The following PLET1 variants were observed in gnomAD, a reference collection of about 807,000 sequenced individuals.
PLET1 encodes placenta expressed transcript 1.
A neutral mutation model predicts 18.5 loss-of-function variants in PLET1; 20 were observed. The ratio of observed to expected loss-of-function variants is 1.08; its 90% CI spans 0.76 to 1.57. PLET1 has a LOEUF of 1.57. Ranked by LOEUF, PLET1 falls within the 40% of genes most tolerant of loss-of-function variation. The pLI, the probability that PLET1 is intolerant of heterozygous loss-of-function variation, is 0.00. For missense variants in PLET1, 256 were observed against 246.4 expected (o/e 1.04, Z -0.26); for synonymous variants, 93 against 93.8 (o/e 0.99, Z 0.05).
chr11:112,251,842 C>G (rs1300509732), intron 3 of PLET1, among the ~76,000 whole-genome samples: 2 of 152,126 alleles, frequency 1.3e-5, no homozygotes, highest in Non-Finnish European at 2.9e-5. Context: ...GTGGAAATTC[C>G]TAGTAGAGTG....
chr11:112,260,721 T>C lies in PLET1; in HGVS notation c.-132A>G, dbSNP rs954052865. ...TCTCCCTGCCCCTTCTGAATATACA[T>C]TGGATTCTGGAATTTGGCCCAAGAC... On this transcript the variant is annotated 5_prime_UTR_variant, in exon 1 of 4. The change abolishes an upstream ATG in the 5' untranslated region. Transcript: ENST00000338832. The C allele has an allele frequency of 4.5e-5, 35 of 774,910 alleles. No homozygotes were observed. Among genetic ancestry groups the C allele is most frequent in the Middle Eastern group, 3.9e-4 (1 of 2,564 alleles). 48.0% of individuals were successfully genotyped at this position (774,910 alleles called of 1,614,324 possible).
At position 112,248,300 on chromosome 11, in the gene PLET1, A is replaced by G. The variant is rs1860121527; in HGVS notation, c.*499T>C. On this transcript the variant is annotated 3_prime_UTR_variant, in exon 4 of 4. Coordinates refer to ENST00000338832, the MANE Select transcript of PLET1 (RefSeq NM_001145024.1). Reference sequence around the variant, plus strand: ...AATCTACTGGTGTGGACAAATGGGAAGCTGCCAGCAGCCTCAGAGCTATTT... The same window carrying G: ...AATCTACTGGTGTGGACAAATGGGAGGCTGCCAGCAGCCTCAGAGCTATTT... Among the ~76,000 whole-genome samples the G allele has an allele frequency of 6.6e-6, 1 of 152,216 alleles. No homozygotes were observed. The highest frequency in any genetic ancestry group is 2.4e-5 in the African/African-American group (1 of 41,448).
chr11:112,252,553 G>A, intron 2 of PLET1, 144 bp from the exon 3 acceptor site: 1 of 709,208 alleles, frequency 1.4e-6, no homozygotes, highest in Non-Finnish European at 2.4e-6. Flanking sequence ...ATTAAATACT[G>A]GTCTGCTTTT....
In PLET1 at chr11:112,255,504, T is replaced by A; in HGVS notation, c.270A>T (p.Arg90Ser). ...AGTTGCTGTAGCAATTTTTATCCGC[T>A]CTTTGCCAGAGGCCCGCTGAGTCAC... ...ENSDSAGLWQ[R>S]ADKNCYSNST... The change falls in exon 2 of 4, where the codon AGA becomes AGT. Residue 90 changes from arginine (R) to serine (S), a missense_variant. Transcript: ENST00000338832. 1 of 1,551,912 alleles carries A rather than the reference T, an allele frequency of 6.4e-7. No homozygotes were observed. The highest frequency in any genetic ancestry group is 8.7e-7 in the Non-Finnish European group (1 of 1,146,960).
intron 3 of PLET1, among the ~76,000 whole-genome samples, chr11:112,251,541 CT>C (rs1323299905): frequency 3.3e-5 from 5 of 152,182 alleles, no homozygotes; most frequent in African/African-American, 1.2e-4. Context: ...CACTACTGCA[CT>C]CCAGCCTGGG....
In PLET1 at chr11:112,260,793, T is replaced by TTTTTGCAAATCGGTGCAGTTTTGCAAA. The variant is rs1344224407; in HGVS notation, c.-205_-204insTTTGCAAAACTGCACCGATTTGCAAAA. 1 of 535,570 alleles carries TTTTTGCAAATCGGTGCAGTTTTGCAAA rather than the reference T, an allele frequency of 1.9e-6. No individual in the cohort carries two copies. The highest frequency in any genetic ancestry group is 3.3e-6 in the Non-Finnish European group (1 of 306,414). 33.2% of individuals were successfully genotyped at this position (535,570 alleles called of 1,614,324 possible). The stretch of plus-strand genomic sequence containing the variant: ...GTCACCATTACCTGTCACCGATGAT[T>TTTTTGCAAATCGGTGCAGTTTTGCAAA]TTGCAAATTGCAGTTTTGCTCAAGA... On this transcript the variant is annotated 5_prime_UTR_variant, in exon 1 of 4. Transcript: ENST00000338832.
At chr11:112,250,798 C>T (rs1860147957) in intron 3 of PLET1, among the ~76,000 whole-genome samples, 1 of 152,190 alleles carries the variant, frequency 6.6e-6, no homozygotes, top group Non-Finnish European at 1.5e-5. Flanking sequence ...ATCAAGACCC[C>T]CCTTTTCCAG....
intron 1 of PLET1, 94 bp from the exon 2 acceptor site, chr11:112,255,683 CAAG>C: frequency 9.0e-7 from 1 of 1,115,232 alleles, no homozygotes; most frequent in Admixed American, 2.0e-5. Flanking sequence ...AAGCGTGAAA[CAAG>C]AAAGTTACAA....
chr11:112,252,239 T>A lies in PLET1; in HGVS notation c.448+109A>T, dbSNP rs112346114. ...CAGGGAGACTCAACTGATAGATAGC[T>A]GAGTGATGCGTGGTAAGAAGACCCT... is the stretch of plus-strand genomic sequence containing the variant. On this transcript the variant is annotated intron_variant, in intron 3 of 3. Coordinates refer to ENST00000338832, the MANE Select transcript of PLET1 (RefSeq NM_001145024.1). 1,280 of 943,678 alleles carry A rather than the reference T, an allele frequency of 1.4e-3. 10 individuals carry two copies. The African/African-American group carries it at 0.018, about 13-fold the overall frequency. The allele number at this position is 943,678 out of a possible 1,614,324, so 58.5% of individuals were successfully genotyped here.
At position 112,252,423 on chromosome 11, in the gene PLET1, A is replaced by C. The variant is rs1860165711; in HGVS notation, c.387-14T>G. On this transcript the variant is annotated splice_polypyrimidine_tract_variant and intron_variant, in intron 2 of 3. Transcript: ENST00000338832. ...ACAGTGAAAGCTCTGTGGAGGGCAA[A>C]TCAATGAGAGATAATGCTGAGGACC... 9 of 1,549,302 alleles carry C rather than the reference A, an allele frequency of 5.8e-6. No individual in the cohort carries two copies. Among genetic ancestry groups the C allele is most frequent in the Non-Finnish European group, 7.0e-6 (8 of 1,144,870 alleles).
rs1860125829 is a variant in PLET1 at position 112,248,833 on chromosome 11, A to G, written c.590T>C (p.Leu197Pro). 1.3e-6 allele frequency: 2 copies of G among 1,551,534 alleles called. No individual in the cohort carries two copies. The highest frequency in any genetic ancestry group is 1.7e-6 in the Non-Finnish European group (2 of 1,146,996). The stretch of plus-strand genomic sequence containing the variant: ...AAGTGTGCTGGTGAGAAAAGCAAGC[A>G]GGATATAAATGGCCTCTGTGATGGG... ...SSPITEAIYI[L>P]LAFLTSTLLF Residue 197 changes from leucine (L) to proline (P), a missense_variant, in exon 4 of 4, where the codon CTG (leucine) becomes CCG (proline). Physicochemically the swap from Leu to Pro is moderately conservative, Grantham distance 98. Coordinates refer to ENST00000338832, the MANE Select transcript of PLET1 (RefSeq NM_001145024.1).
intron 3 of PLET1, among the ~76,000 whole-genome samples, chr11:112,251,781 C>T (rs189969890): frequency 3.8e-4 from 58 of 151,830 alleles, no homozygotes; most frequent in Middle Eastern, 6.8e-3. Context: ...AGAAGATGGG[C>T]GAGGAACCTC....
Position 112,248,919 on chromosome 11 carries a change from GA to G in PLET1, c.503del (p.Phe168SerfsTer3). 1 of 1,551,318 alleles carries G rather than the reference GA, an allele frequency of 6.4e-7. No homozygotes were observed. The highest frequency in any genetic ancestry group is 8.7e-7 in the Non-Finnish European group (1 of 1,146,980). ...KIPQSSAFKPFFMITPKSIRL... is the reference protein window; with the variant it reads ...KIPQSSAFKPXFMITPKSIRL... ...TGATACTCTTGGGTGTAATCATGAAGAAAGGCTTGAAGGCTGAGCTCTGGGG... is the reference window on the plus strand; with the variant it reads ...TGATACTCTTGGGTGTAATCATGAAGAAGGCTTGAAGGCTGAGCTCTGGGG... On this transcript the variant is annotated frameshift_variant, in exon 4 of 4. Transcript: ENST00000338832. LOFTEE classifies it low-confidence loss of function (END_TRUNC).
In PLET1 at chr11:112,248,674, C is replaced by A. The variant is rs2135415287; in HGVS notation, c.*125G>T. The A allele has an allele frequency of 1.7e-6, 2 of 1,147,706 alleles. No individual in the cohort carries two copies. Among genetic ancestry groups the A allele is most frequent in the South Asian group, 1.6e-5 (1 of 62,676 alleles). 71.1% of individuals were successfully genotyped at this position (1,147,706 alleles called of 1,614,324 possible). A position where few individuals can be genotyped will look rare whatever the true frequency, so the allele number is the denominator to read the frequency against. ...TCTTTGTTTTGGTCTGAAGCCGTGGCAGCAAAGTTGCACATTTGAGAATGT... is the reference window on the plus strand; with the variant it reads ...TCTTTGTTTTGGTCTGAAGCCGTGGAAGCAAAGTTGCACATTTGAGAATGT... On this transcript the variant is annotated 3_prime_UTR_variant, in exon 4 of 4. Coordinates refer to ENST00000338832, the MANE Select transcript of PLET1 (RefSeq NM_001145024.1).
intron 2 of PLET1, among the ~76,000 whole-genome samples, chr11:112,253,425 G>A (rs1037121322): frequency 2.6e-5 from 4 of 152,090 alleles, no homozygotes; most frequent in Admixed American, 1.3e-4. Flanking sequence ...GCTGATCAAG[G>A]CCATGTAACA....
rs1428812885 is a variant in PLET1, at chr11:112,248,753, A to G, written c.*46T>C. On this transcript the variant is annotated 3_prime_UTR_variant, in exon 4 of 4. Transcript: ENST00000338832. Reference sequence around the variant, plus strand: ...CCAGCACTAGCTTGGAACTGAATGTAGGAGGATGCAGTGGAGGCAGAAACA... The same window carrying G: ...CCAGCACTAGCTTGGAACTGAATGTGGGAGGATGCAGTGGAGGCAGAAACA... The G allele has an allele frequency of 6.5e-7, 1 of 1,528,488 alleles. No homozygotes were observed. Among genetic ancestry groups the G allele is most frequent in the Non-Finnish European group, 8.9e-7 (1 of 1,128,100 alleles). 94.7% of individuals were successfully genotyped at this position (1,528,488 alleles called of 1,614,324 possible). A position where few individuals can be genotyped will look rare whatever the true frequency, so the allele number is the denominator to read the frequency against.
At position 112,260,662 on chromosome 11, in the gene PLET1, C is replaced by A; in HGVS notation, c.-73G>T. The A allele has an allele frequency of 7.5e-7, 1 of 1,338,828 alleles. No homozygotes were observed. The highest frequency in any genetic ancestry group is 2.2e-5 in the Admixed American group (1 of 44,858). 82.9% of individuals were successfully genotyped at this position (1,338,828 alleles called of 1,614,324 possible). A position where few individuals can be genotyped will look rare whatever the true frequency, so the allele number is the denominator to read the frequency against. The stretch of plus-strand genomic sequence containing the variant: ...GACAACTCACCTCTTGTTTATATGC[C>A]AGGGCTTCTGGGTGAAGTCATACAT... On this transcript the variant is annotated 5_prime_UTR_variant, in exon 1 of 4. Transcript: ENST00000338832.
At chr11:112,254,721 AG>A (rs1860197809) in intron 2 of PLET1, among the ~76,000 whole-genome samples, 1 of 35,332 alleles carries the variant, frequency 2.8e-5, no homozygotes, top group African/African-American at 1.1e-4. Context: ...GTGTGTTGTG[AG>A]TGTGTGTGTG....
In PLET1 at chr11:112,248,552, C is replaced by T. The variant is rs113166742; in HGVS notation, c.*247G>A. The T allele has an allele frequency of 2.2e-4, 108 of 480,014 alleles. 1 individual carries two copies. Among genetic ancestry groups the T allele is most frequent in the African/African-American group, 1.4e-3 (68 of 50,244 alleles). The allele number at this position is 480,014 out of a possible 1,614,324, so 29.7% of individuals were successfully genotyped here. On this transcript the variant is annotated 3_prime_UTR_variant, in exon 4 of 4. Coordinates refer to ENST00000338832, the MANE Select transcript of PLET1 (RefSeq NM_001145024.1). ...AGGGAGAACCTAGGTGACTAAGTTCCGGCCAGTTCTAAATATTTTCAAAAA... is the reference window on the plus strand; with the variant it reads ...AGGGAGAACCTAGGTGACTAAGTTCTGGCCAGTTCTAAATATTTTCAAAAA...
Sources: allele counts gnomAD v4.1 joint callset (sites outside exome capture counted in the v4.1 genomes callset), GRCh38; gene constraint gnomAD v4.1.1; transcripts MANE v1.5; gene names NCBI Gene and HGNC (gene_info 2026-07-23, HGNC 2026-07-21).